PAM: variants seen among roughly 807,000 people sequenced by gnomAD.
PAM encodes peptidylglycine alpha-amidating monooxygenase, also known as peptidyl-glycine alpha-amidating monooxygenase.
A neutral mutation model predicts 122.1 loss-of-function variants in PAM; 72 were observed. The observed-to-expected ratio is 0.59, with a 90% CI of 0.49 to 0.72. The LOEUF is 0.72. Ranked by LOEUF, PAM falls within the 30% of genes least tolerant of loss-of-function variation. The pLI is 0.00. For synonymous variants in PAM, 389 were observed against 404.4 expected (o/e 0.96, Z 0.46); for missense variants, 1,106 against 1,183.7 (o/e 0.93, Z 0.96).
chr5:103,004,719 A>C lies in PAM; in HGVS notation c.1731-435A>C, dbSNP rs540864075. On this transcript the variant is annotated intron_variant, in intron 17 of 25. Transcript: ENST00000438793. ...GCACTCTTTAAAGCCTTTGAGTTATATGTCTAATAGTTTATATTAACACAT... is the reference window on the plus strand; with the variant it reads ...GCACTCTTTAAAGCCTTTGAGTTATCTGTCTAATAGTTTATATTAACACAT... Among the ~76,000 whole-genome samples the C allele has an allele frequency of 1.1e-4, 17 of 152,256 alleles. No individual in the cohort carries two copies. In the South Asian group the frequency reaches 3.5e-3, roughly 32 times the overall value.
At chr5:102,861,940 C>A (rs1454760169) in intron 1 of PAM, among the ~76,000 whole-genome samples, 1 of 152,072 alleles carries the variant, frequency 6.6e-6, no homozygotes, top group Admixed American at 6.5e-5. Flanking sequence ...GAGGCTGAGA[C>A]AGGCAGATCA....
At chr5:102,952,952 T>C (rs1265937564) in intron 12 of PAM, among the ~76,000 whole-genome samples, 1 of 152,098 alleles carries the variant, frequency 6.6e-6, no homozygotes, top group Admixed American at 6.6e-5. Context: ...TAGGTATAAA[T>C]CACACTTAAC....
chr5:102,889,276 A>G (rs1218919868), intron 3 of PAM, among the ~76,000 whole-genome samples: 1 of 151,922 alleles, frequency 6.6e-6, no homozygotes, highest in African/African-American at 2.4e-5. Flanking sequence ...GCAGGAGGAT[A>G]AGGAGGTCAG....
intron 18 of PAM, among the ~76,000 whole-genome samples, chr5:103,005,783 A>T (rs1426540247): frequency 6.6e-6 from 1 of 152,216 alleles, no homozygotes; most frequent in African/African-American, 2.4e-5. Context: ...GAAAGCTAGT[A>T]TGTAAATGAT....
At chr5:102,984,557 T>C (rs1582547799) in intron 15 of PAM, among the ~76,000 whole-genome samples, 2 of 152,160 alleles carry the variant, frequency 1.3e-5, no homozygotes, top group East Asian at 3.8e-4. Context: ...TCTAAATATA[T>C]ATGCATATGC....
chr5:102,939,681 G>A (rs1248369704), intron 7 of PAM, among the ~76,000 whole-genome samples: 2 of 151,968 alleles, frequency 1.3e-5, no homozygotes, highest in East Asian at 1.9e-4. Context: ...CATATTGAAT[G>A]ACTGAAAAAT....
Position 102,833,836 on chromosome 5 carries a change from A to G in PAM, c.-373-31987A>G, listed in dbSNP as rs548379431. 1.6e-4 allele frequency among the ~76,000 whole-genome samples: 24 copies of G among 152,210 alleles called. No individual in the cohort carries two copies. In the East Asian group the frequency reaches 4.6e-3, roughly 29 times the overall value. The stretch of plus-strand genomic sequence containing the variant: ...TGTCCCCAGGAAGCCACATTTTCTG[A>G]GAAGAGATCCTACATTGGGCTATTT... On this transcript the variant is annotated intron_variant, in intron 1 of 25. Coordinates refer to ENST00000438793, the MANE Select transcript of PAM (RefSeq NM_001177306.2).
intron 1 of PAM, among the ~76,000 whole-genome samples, chr5:102,761,698 T>G (rs1233166047): frequency 6.6e-6 from 1 of 152,240 alleles, no homozygotes; most frequent in African/African-American, 2.4e-5. Flanking sequence ...GTCTGAAGTT[T>G]AGAATATTTT....
At chr5:102,786,270 A>T (rs1257837873) in intron 1 of PAM, among the ~76,000 whole-genome samples, 2 of 152,240 alleles carry the variant, frequency 1.3e-5, no homozygotes, top group Non-Finnish European at 2.9e-5. Context: ...AACAGACGTT[A>T]CTTAAACTCT....
intron 23 of PAM, among the ~76,000 whole-genome samples, chr5:103,023,918 T>C (rs1337320024): frequency 6.6e-6 from 1 of 152,164 alleles, no homozygotes; most frequent in East Asian, 1.9e-4. Flanking sequence ...TAAATTATGT[T>C]GACAGCATCT....
Position 102,863,000 on chromosome 5 carries a change from T to TA in PAM, c.-373-2823_-373-2822insA, listed in dbSNP as rs201829281. On this transcript the variant is annotated intron_variant, in intron 1 of 25. Transcript: ENST00000438793. ...CAAATGCCAGCTATCTTTTTTTTTT[T>TA]TAAAAAAAAATGAAAATTAGAGGGA... Among the ~76,000 whole-genome samples the TA allele has an allele frequency of 6.0e-3, 910 of 150,736 alleles. 44 individuals are homozygous for TA. The highest frequency in any genetic ancestry group is 0.021 in the African/African-American group (850 of 40,322).
rs774698634 is a variant in PAM at position 102,959,996 on chromosome 5, C to T, written c.1027C>T (p.Pro343Ser). The T allele has an allele frequency of 4.3e-6, 7 of 1,611,882 alleles. No homozygotes were observed. In the East Asian group the frequency reaches 1.6e-4, roughly 36 times the overall value. ...VAPDMFRTIP[P>S]EANIPIPVKS... ...TCCAGATATGTTCAGAACCATACCA[C>T]CAGAGGCCAACATTCCAATTCCCGT... Residue 343 changes from proline (P) to serine (S), a missense_variant, in exon 13 of 26, where the codon CCA becomes TCA. Physicochemically the swap from Pro to Ser is moderately conservative, Grantham distance 74. This residue lies in a region of PAM where 670 missense variants were observed against 690.3 expected (regional missense o/e 0.97). Transcript: ENST00000438793.
At position 102,946,864 on chromosome 5, in the gene PAM, C is replaced by T; in HGVS notation, c.554C>T (p.Ser185Phe). ...RDNNKDCSGVSLHLTRLPQPL... is the reference protein window; with the variant it reads ...RDNNKDCSGVFLHLTRLPQPL... ...AATAACAAGGACTGTTCTGGTGTGT[C>T]CTTACACCTCACACGTCTGCCGTAA... is the stretch of plus-strand genomic sequence containing the variant. The change falls in exon 8 of 26, where the codon TCC becomes TTC. Residue 185 changes from serine to phenylalanine, a missense_variant. By Grantham distance (155) the Ser-to-Phe change is radical. Around this residue, in one of 3 missense-constraint regions of PAM, gnomAD observed 670 missense variants for 690.3 expected, o/e 0.97. Coordinates refer to ENST00000438793, the MANE Select transcript of PAM (RefSeq NM_001177306.2). 1 of 1,601,502 alleles carries T rather than the reference C, an allele frequency of 6.2e-7. No individual in the cohort carries two copies. The highest frequency in any genetic ancestry group is 8.6e-7 in the Non-Finnish European group (1 of 1,169,410).
At chr5:102,892,665 A>G (rs894858385) in intron 3 of PAM, among the ~76,000 whole-genome samples, 1 of 151,858 alleles carries the variant, frequency 6.6e-6, no homozygotes, top group African/African-American at 2.4e-5. Flanking sequence ...TTTAAGTGTC[A>G]CCAGCAATGA....
intron 15 of PAM, among the ~76,000 whole-genome samples, chr5:102,980,129 G>A (rs1769255132): frequency 6.6e-6 from 1 of 152,040 alleles, no homozygotes; most frequent in African/African-American, 2.4e-5. Context: ...TTAAAAACAA[G>A]CAATCAAGCT....
chr5:102,815,458 A>C (rs1769466631), intron 1 of PAM, among the ~76,000 whole-genome samples: 1 of 152,186 alleles, frequency 6.6e-6, no homozygotes, highest in African/African-American at 2.4e-5. Context: ...GCATTAAATT[A>C]CTAGTTTATC....
intron 3 of PAM, among the ~76,000 whole-genome samples, chr5:102,883,230 G>T (rs1166295072): frequency 6.6e-6 from 1 of 151,670 alleles, no homozygotes; most frequent in African/African-American, 2.4e-5. Flanking sequence ...TGAGTTTTAG[G>T]ATTGTTTTTT....
At chr5:102,975,104 A>G (rs940574430) in intron 15 of PAM, among the ~76,000 whole-genome samples, 45 of 152,182 alleles carry the variant, frequency 3.0e-4, no homozygotes, top group African/African-American at 1.0e-3. Flanking sequence ...CCAGCAAGCT[A>G]TGGATGCCTC....
intron 14 of PAM, among the ~76,000 whole-genome samples, chr5:102,973,694 G>C (rs573787703): frequency 6.6e-6 from 1 of 152,064 alleles, no homozygotes; most frequent in East Asian, 1.9e-4. Context: ...TTCATTTCTT[G>C]TGGCTTGCAC....
Sources: allele counts gnomAD v4.1 joint callset (sites outside exome capture counted in the v4.1 genomes callset), GRCh38; gene constraint gnomAD v4.1.1; regional missense constraint gnomAD v4.1.1; transcripts MANE v1.5; gene names NCBI Gene and HGNC (gene_info 2026-07-23, HGNC 2026-07-21).